Variants in SAMD12 observed in about 807,000 individuals in gnomAD.
SAMD12 encodes the protein sterile alpha motif domain containing 12.
In SAMD12, 9 loss-of-function variants were observed where a neutral mutation model predicts 15.0. The ratio of observed to expected loss-of-function variants is 0.60; its 90% CI spans 0.36 to 1.05. The LOEUF (loss-of-function observed/expected upper bound fraction) is 1.05, where lower values mean the gene tolerates loss of function less well. SAMD12 is among the 50% of genes least tolerant of loss of function. The pLI, the probability that SAMD12 is intolerant of heterozygous loss-of-function variation, is 0.01. For missense variants in SAMD12, 230 were observed against 234.2 expected (o/e 0.98, Z 0.12); for synonymous variants, 86 against 90.1 (o/e 0.96, Z 0.25).
chr8:118,479,753 C>T (rs1452525175), intron 2 of SAMD12, among the ~76,000 whole-genome samples: 1 of 149,042 alleles, frequency 6.7e-6, no homozygotes, highest in Non-Finnish European at 1.5e-5. Flanking sequence ...CCTTCCCTTA[C>T]TCTTTCCCTG....
intron 2 of SAMD12, among the ~76,000 whole-genome samples, chr8:118,569,544 C>A (rs1826947764): frequency 6.6e-6 from 1 of 152,110 alleles, no homozygotes; most frequent in Non-Finnish European, 1.5e-5. Context: ...AAGCCCTAAC[C>A]CCCAATAAGG....
intron 2 of SAMD12, among the ~76,000 whole-genome samples, chr8:118,493,190 G>A (rs578180295): frequency 6.6e-6 from 1 of 152,236 alleles, no homozygotes; most frequent in East Asian, 1.9e-4. Flanking sequence ...CTTCCCAGCT[G>A]ACCATATGAA....
At chr8:118,566,163 T>C (rs909161537) in intron 2 of SAMD12, among the ~76,000 whole-genome samples, 1 of 152,168 alleles carries the variant, frequency 6.6e-6, no homozygotes, top group Non-Finnish European at 1.5e-5. Context: ...TTCTGAGCCA[T>C]CTGGAAACCT....
At chr8:118,529,848 G>C (rs1825637224) in intron 2 of SAMD12, among the ~76,000 whole-genome samples, 1 of 152,164 alleles carries the variant, frequency 6.6e-6, no homozygotes, top group African/African-American at 2.4e-5. Flanking sequence ...TACGAGTGCA[G>C]GTATCTTTAT....
intron 4 of SAMD12, among the ~76,000 whole-genome samples, chr8:118,245,122 C>T (rs1253522662): frequency 6.6e-6 from 1 of 152,098 alleles, no homozygotes; most frequent in Non-Finnish European, 1.5e-5. Flanking sequence ...TCTAGGTCTT[C>T]ATCATGACCA....
At chr8:118,163,671 C>G in the SAMD12 span, among the ~76,000 whole-genome samples, 5 of 151,962 alleles carry the variant, frequency 3.3e-5, no homozygotes, top group South Asian at 1.0e-3. Context: ...GTCAGGAGAT[C>G]GAGACCATCC....
chr8:118,219,763 C>T (rs949929789), intron 4 of SAMD12, among the ~76,000 whole-genome samples: 1 of 152,182 alleles, frequency 6.6e-6, no homozygotes, highest in African/African-American at 2.4e-5. Context: ...GCCAAGGCAC[C>T]AGGAAGGTGA....
intron 2 of SAMD12, among the ~76,000 whole-genome samples, chr8:118,512,678 C>T (rs1337269005): frequency 2.0e-5 from 3 of 152,160 alleles, no homozygotes; most frequent in South Asian, 2.1e-4. Flanking sequence ...AACACTGTCC[C>T]CTTATTTCTA....
intron 2 of SAMD12, among the ~76,000 whole-genome samples, chr8:118,524,374 AC>A (rs1418149917): frequency 1.3e-5 from 2 of 151,700 alleles, no homozygotes; most frequent in African/African-American, 4.8e-5. Flanking sequence ...GACATGACTC[AC>A]CTCCCTTCCC....
At position 118,466,690 on chromosome 8, in the gene SAMD12, A is replaced by C. The variant is rs776521604; in HGVS notation, c.193-26729T>G. Among the ~76,000 whole-genome samples, 51 of 152,220 alleles carry C rather than the reference A, an allele frequency of 3.4e-4. 1 individual carries two copies. Among genetic ancestry groups the C allele is most frequent in the South Asian group, 1.0e-3 (5 of 4,832 alleles). On this transcript the variant is annotated intron_variant, in intron 2 of 3. Coordinates refer to ENST00000314727, the MANE Select transcript of SAMD12 (RefSeq NM_207506.3). ...GTCTGTAACCGACCATCCTTTACAA[A>C]TTACTTAAAGATAAGACGAGAGAAG...
At chr8:118,533,672 T>C (rs576768023) in intron 2 of SAMD12, among the ~76,000 whole-genome samples, 30 of 152,362 alleles carry the variant, frequency 2.0e-4, no homozygotes, top group African/African-American at 7.0e-4. Context: ...TCTTGTTGAA[T>C]TGATCCCTTT....
chr8:118,373,009 G>A (rs1254358150), downstream of SAMD12, among the ~76,000 whole-genome samples: 1 of 152,088 alleles, frequency 6.6e-6, no homozygotes, highest in Non-Finnish European at 1.5e-5. Flanking sequence ...AATAAAAGGA[G>A]CTGACAACCA....
the SAMD12 span, among the ~76,000 whole-genome samples, chr8:118,152,121 A>G: frequency 2.0e-5 from 3 of 152,196 alleles, no homozygotes; most frequent in Non-Finnish European, 4.4e-5. Flanking sequence ...AAAAGAGCAG[A>G]AAGATGGCCA....
intron 3 of SAMD12, 60 bp from the exon 4 acceptor site, chr8:118,379,760 C>G: frequency 1.3e-6 from 2 of 1,573,580 alleles, no homozygotes; most frequent in Non-Finnish European, 1.7e-6. Context: ...AGAAAGATGT[C>G]CATTTTGGTC....
At chr8:118,566,873 T>A (rs1826867173) in intron 2 of SAMD12, among the ~76,000 whole-genome samples, 1 of 152,236 alleles carries the variant, frequency 6.6e-6, no homozygotes, top group Admixed American at 6.5e-5. Flanking sequence ...GTTTCTCCAC[T>A]GTTAAAAAAT....
At chr8:118,299,500 T>G (rs1451467389) in intron 4 of SAMD12, among the ~76,000 whole-genome samples, 1 of 152,098 alleles carries the variant, frequency 6.6e-6, no homozygotes, top group Non-Finnish European at 1.5e-5. Flanking sequence ...CCAATCAAGA[T>G]AGGGTCAGAA....
chr8:118,475,827 T>C (rs778342587), intron 2 of SAMD12, among the ~76,000 whole-genome samples: 11 of 152,176 alleles, frequency 7.2e-5, no homozygotes, highest in Non-Finnish European at 1.5e-4. Flanking sequence ...TTTTTCCTTC[T>C]TTGCAGGAGA....
chr8:118,323,640 A>G (rs1816414954), intron 4 of SAMD12, among the ~76,000 whole-genome samples: 1 of 151,986 alleles, frequency 6.6e-6, no homozygotes, highest in African/African-American at 2.4e-5. Context: ...GTGGTGACAC[A>G]CACCTGTAGT....
At position 118,621,632 on chromosome 8, in the gene SAMD12, C is replaced by T. The variant is rs1828409293; in HGVS notation, c.13+172G>A. The T allele has an allele frequency of 6.1e-5, 42 of 687,682 alleles. 1 individual carries two copies. The South Asian group carries it at 7.2e-4, about 12-fold the overall frequency. The allele number at this position is 687,682 out of a possible 1,614,324, so 42.6% of individuals were successfully genotyped here. A position where few individuals can be genotyped will look rare whatever the true frequency, so the allele number is the denominator to read the frequency against. The stretch of plus-strand genomic sequence containing the variant: ...TCTCTCCAAAGCAACTGAATTAAAG[C>T]GCCTACTGGCCTTGGCGGCGCAGGT... On this transcript the variant is annotated intron_variant, in intron 1 of 3. Coordinates refer to ENST00000314727, the MANE Select transcript of SAMD12 (RefSeq NM_207506.3).
Sources: gnomAD v4.1 joint callset for allele counts (sites outside exome capture counted in the v4.1 genomes callset) on GRCh38, gnomAD v4.1.1 for gene constraint, MANE v1.5 for transcripts, NCBI Gene and HGNC (gene_info 2026-07-23, HGNC 2026-07-21) for gene names.